PIK3C2A: variants seen among roughly 807,000 people sequenced by gnomAD.
PIK3C2A encodes phosphatidylinositol-4-phosphate 3-kinase catalytic subunit type 2 alpha.
Under a neutral mutation model 204.5 loss-of-function variants are expected in PIK3C2A, and 97 were observed. The ratio of observed to expected loss-of-function variants is 0.47; its 90% CI spans 0.40 to 0.56. The LOEUF (loss-of-function observed/expected upper bound fraction) is 0.56, where lower values mean the gene tolerates loss of function less well. Ranked by LOEUF, PIK3C2A falls within the 20% of genes least tolerant of loss-of-function variation. PIK3C2A has a pLI of 0.00. For missense variants in PIK3C2A, 1,735 were observed against 1,969.2 expected, an observed-to-expected ratio of 0.88 and a Z score of 2.25; for synonymous variants, 653 against 664.4, an observed-to-expected ratio of 0.98 and a Z score of 0.26.
intron 1 of PIK3C2A, among the ~76,000 whole-genome samples, chr11:17,173,164 T>C (rs1175655713): frequency 6.6e-6 from 1 of 152,236 alleles, no homozygotes; most frequent in Non-Finnish European, 1.5e-5. Flanking sequence ...TGTAGACCTT[T>C]TGCTGTTTTT....
rs776108083 is a variant in PIK3C2A, at chr11:17,169,401, G to GT, written c.340dup (p.Thr114AsnfsTer21). The GT allele has an allele frequency of 6.2e-6, 10 of 1,613,920 alleles. No homozygotes were observed. Among genetic ancestry groups the GT allele is most frequent in the East Asian group, 2.2e-5 (1 of 44,894 alleles). On this transcript the variant is annotated frameshift_variant, in exon 2 of 33. Transcript: ENST00000691414. LOFTEE classifies it high-confidence loss of function. ...AATAGGAGTAACTGGTAATACAGGT[G>GT]TTTTTTTAGTCTCGAAACTGTCATC...
chr11:17,139,230 T>A (rs1590952608), intron 8 of PIK3C2A, among the ~76,000 whole-genome samples: 1 of 147,084 alleles, frequency 6.8e-6, no homozygotes, highest in African/African-American at 2.5e-5. Flanking sequence ...TCTTTAAATT[T>A]CCCTTTTTTT....
chr11:17,114,570 C>A, intron 19 of PIK3C2A, 105 bp from the exon 20 acceptor site: 1 of 582,542 alleles, frequency 1.7e-6, no homozygotes, highest in Non-Finnish European at 3.1e-6. Flanking sequence ...AGTTGTCAAA[C>A]GGTGAAAAAA....
intron 8 of PIK3C2A, among the ~76,000 whole-genome samples, chr11:17,145,087 C>T (rs1285229559): frequency 6.6e-6 from 1 of 151,934 alleles, no homozygotes; most frequent in Non-Finnish European, 1.5e-5. Context: ...TTTACAGGCT[C>T]ATAGGTGGAA....
intron 1 of PIK3C2A, among the ~76,000 whole-genome samples, chr11:17,201,266 T>C (rs576545957): frequency 4.6e-5 from 7 of 151,990 alleles, no homozygotes; most frequent in African/African-American, 1.7e-4. Flanking sequence ...TGGTGGCTCA[T>C]GCCTGTCATC....
chr11:17,171,030 G>A (rs1851138499), intron 1 of PIK3C2A, among the ~76,000 whole-genome samples: 2 of 152,274 alleles, frequency 1.3e-5, no homozygotes, highest in Non-Finnish European at 2.9e-5. Flanking sequence ...ATGAACCCGG[G>A]AGGCGGAGCT....
chr11:17,200,057 G>A (rs531905042), intron 1 of PIK3C2A, among the ~76,000 whole-genome samples: 7 of 151,584 alleles, frequency 4.6e-5, no homozygotes, highest in South Asian at 2.1e-4. Context: ...ATAGTGGTGC[G>A]TGCCTGTAAT....
At chr11:17,095,411 T>TAAAAAAAA (rs1225897360) in intron 27 of PIK3C2A, among the ~76,000 whole-genome samples, 1 of 110,176 alleles carries the variant, frequency 9.1e-6, no homozygotes. Flanking sequence ...CTGTCTCTAC[T>TAAAAAAAA]AAAAAAAAAA....
At position 17,169,116 on chromosome 11, in the gene PIK3C2A, T is replaced by A. The variant is rs1174704900; in HGVS notation, c.626A>T (p.Gln209Leu). 1.2e-6 allele frequency: 2 copies of A among 1,614,082 alleles called. No homozygotes were observed. Among genetic ancestry groups the A allele is most frequent in the African/African-American group, 2.7e-5 (2 of 74,948 alleles). ...TGGACGATAGATAGGTAAGCTTCCT[T>A]GTGGATGAAAGGGTGTGGCAGGTGT... is the stretch of plus-strand genomic sequence containing the variant. ...PLTPATPFHP[Q>L]GSLPIYRPVV... is the part of the protein sequence containing the mutation. The change falls in exon 2 of 33, where the codon CAA (glutamine) becomes CTA (leucine). Residue 209 changes from glutamine (Q) to leucine (L), a missense_variant. This residue lies in a region of PIK3C2A where 536 missense variants were observed against 546.7 expected (regional missense o/e 0.98). Transcript: ENST00000691414.
intron 1 of PIK3C2A, among the ~76,000 whole-genome samples, chr11:17,206,028 C>T (rs977215290): frequency 3.3e-5 from 5 of 152,182 alleles, no homozygotes; most frequent in Admixed American, 1.3e-4. Flanking sequence ...GAGGCTGAGG[C>T]AGGAGAATCA....
chr11:17,102,324 C>T (rs886065544), intron 24 of PIK3C2A, among the ~76,000 whole-genome samples: 28 of 152,146 alleles, frequency 1.8e-4, no homozygotes, highest in African/African-American at 6.8e-4. Context: ...GTAGTCCCAG[C>T]TACTCAGGAG....
In PIK3C2A at chr11:17,122,712, A is replaced by G. The variant is rs1427883893; in HGVS notation, c.2501T>C (p.Ile834Thr). 1.4e-6 allele frequency: 2 copies of G among 1,388,122 alleles called. No individual in the cohort carries two copies. Among genetic ancestry groups the G allele is most frequent in the African/African-American group, 2.8e-5 (2 of 70,472 alleles). The allele number at this position is 1,388,122 out of a possible 1,614,324, so 86.0% of individuals were successfully genotyped here. Reference protein sequence around the residue: ...VTKKGYVMERIVLQVDFPSPA... With the variant: ...VTKKGYVMERTVLQVDFPSPA... ...AAGAAGTACCATTACCTGTAGCACT[A>G]TTCTTTCCATGACATATCCTTTTTT... is the stretch of plus-strand genomic sequence containing the variant. The change falls in exon 14 of 33, where the codon ATA (isoleucine) becomes ACA (threonine). Residue 834 changes from isoleucine to threonine, a missense_variant. Ile to Thr is a moderately conservative substitution (Grantham distance 89, BLOSUM62 -1). This residue lies in a region of PIK3C2A where 567 missense variants were observed against 576.0 expected (regional missense o/e 0.98). Coordinates refer to ENST00000691414, the MANE Select transcript of PIK3C2A (RefSeq NM_002645.4).
intron 1 of PIK3C2A, among the ~76,000 whole-genome samples, chr11:17,177,781 C>T (rs651513): frequency 6.6e-6 from 1 of 151,870 alleles, no homozygotes; most frequent in Non-Finnish European, 1.5e-5. Context: ...GATTCGGTTA[C>T]AGCGACGCTG....
intron 21 of PIK3C2A, among the ~76,000 whole-genome samples, chr11:17,111,885 A>AAAAAAAAAAAAAAAATT: frequency 6.7e-6 from 1 of 149,800 alleles, no homozygotes; most frequent in Admixed American, 6.6e-5. Context: ...TCCAAAACAA[A>AAAAAAAAAAAAAAAATT]AAAAAAAAAA....
chr11:17,198,524 G>T (rs1852242034), intron 1 of PIK3C2A, among the ~76,000 whole-genome samples: 1 of 152,100 alleles, frequency 6.6e-6, no homozygotes, highest in Admixed American at 6.6e-5. Context: ...ATAATAAAAT[G>T]CTTAGCATAT....
rs1849461458 is a variant in PIK3C2A, at chr11:17,124,524, AT to A, written c.2400-1712del. On this transcript the variant is annotated intron_variant, in intron 13 of 32. Transcript: ENST00000691414. Reference sequence around the variant, plus strand: ...AGGCTGAAGTGCAGTGGCACAATACATTTGGATGTCTTTTTAAGCATCTTTT... The same window carrying A: ...AGGCTGAAGTGCAGTGGCACAATACATTGGATGTCTTTTTAAGCATCTTTT... 2.7e-5 allele frequency among the ~76,000 whole-genome samples: 4 copies of A among 150,656 alleles called. No individual in the cohort carries two copies. The Admixed American group carries it at 2.7e-4, about 10-fold the overall frequency.
At chr11:17,195,284 G>C (rs1852109234) in intron 1 of PIK3C2A, among the ~76,000 whole-genome samples, 1 of 151,320 alleles carries the variant, frequency 6.6e-6, no homozygotes, top group African/African-American at 2.4e-5. Flanking sequence ...ATGGTGGCAG[G>C]CGCCTGTAAT....
At chr11:17,107,101 C>T (rs1848846689) in intron 22 of PIK3C2A, among the ~76,000 whole-genome samples, 1 of 152,122 alleles carries the variant, frequency 6.6e-6, no homozygotes, top group Non-Finnish European at 1.5e-5. Flanking sequence ...ATCACAAGGT[C>T]AGGAGATCGA....
intron 24 of PIK3C2A, 92 bp downstream of exon 24, chr11:17,102,570 G>A: frequency 5.2e-6 from 5 of 962,558 alleles, no homozygotes; most frequent in Non-Finnish European, 6.3e-6. Context: ...TGTTCAAATG[G>A]AGCCGCGAGG....
Sources: gnomAD v4.1 joint callset for allele counts (sites outside exome capture counted in the v4.1 genomes callset) on GRCh38, gnomAD v4.1.1 for gene constraint, gnomAD v4.1.1 regional missense constraint, MANE v1.5 for transcripts, NCBI Gene and HGNC (gene_info 2026-07-23, HGNC 2026-07-21) for gene names.